The following POU2F2 variants were observed in gnomAD, a reference collection of about 807,000 sequenced individuals.
The protein encoded by POU2F2 is POU class 2 homeobox 2.
POU2F2 carries 14 observed loss-of-function variants against 63.5 expected under a neutral mutation model. The observed-to-expected ratio is 0.22, with a 90% CI of 0.15 to 0.34. The LOEUF is 0.34. Ranked by LOEUF, POU2F2 falls within the 10% of genes least tolerant of loss-of-function variation. The pLI, the probability that POU2F2 is intolerant of heterozygous loss-of-function variation, is 1.00. For missense variants in POU2F2, 607 were observed against 815.2 expected, an observed-to-expected ratio of 0.74 and a Z score of 3.11; for synonymous variants, 306 against 348.6, an observed-to-expected ratio of 0.88 and a Z score of 1.36.
At chr19:42,101,217 C>T (rs1469323629) in intron 5 of POU2F2, among the ~76,000 whole-genome samples, 4 of 152,112 alleles carry the variant, frequency 2.6e-5, no homozygotes, top group South Asian at 2.1e-4. Flanking sequence ...ACAACCACTC[C>T]GGGAAGCTCT....
At chr19:42,110,807 C>A (rs2030967576) in intron 5 of POU2F2, 1 of 451,138 alleles carries the variant, frequency 2.2e-6, no homozygotes, top group Non-Finnish European at 4.5e-6. Context: ...TAGCCTGATT[C>A]CTCTTCACTT....
At chr19:42,129,532 C>T (rs1170516238) in intron 1 of POU2F2, among the ~76,000 whole-genome samples, 1 of 152,220 alleles carries the variant, frequency 6.6e-6, no homozygotes, top group Non-Finnish European at 1.5e-5. Context: ...CTCGTTAGCA[C>T]TTACCGAAAA....
In POU2F2 at chr19:42,120,253, G is replaced by A. The variant is rs187574826; in HGVS notation, c.186+1873C>T. 2.2e-3 allele frequency among the ~76,000 whole-genome samples: 301 copies of A among 134,822 alleles called. 2 individuals carry two copies. Among genetic ancestry groups the A allele is most frequent in the Middle Eastern group, 0.017 (4 of 236 alleles). 88.4% of individuals were successfully genotyped at this position (134,822 alleles called of 152,430 possible). A position where few individuals can be genotyped will look rare whatever the true frequency, so the allele number is the denominator to read the frequency against. ...TTTTTTTGAGCTGGAGTCTTTCTCT[G>A]TTGCCCAGGCTGGAGTGCAGTGGTG... is the stretch of plus-strand genomic sequence containing the variant. On this transcript the variant is annotated intron_variant, in intron 4 of 14. Transcript: ENST00000692977.
At chr19:42,160,954 G>C (rs1355768713) in intron 1 of POU2F2, among the ~76,000 whole-genome samples, 1 of 152,198 alleles carries the variant, frequency 6.6e-6, no homozygotes, top group Non-Finnish European at 1.5e-5. Context: ...CCATTCATTT[G>C]TGCATTTAGT....
chr19:42,150,723 T>C (rs1284488092), intron 2 of POU2F2, among the ~76,000 whole-genome samples: 2 of 151,502 alleles, frequency 1.3e-5, no homozygotes, highest in African/African-American at 2.4e-5. Flanking sequence ...TATATATTTT[T>C]CCCCCAGCTT....
chr19:42,122,998 G>T (rs934144366), intron 1 of POU2F2, among the ~76,000 whole-genome samples: 65 of 152,276 alleles, frequency 4.3e-4, no homozygotes, highest in South Asian at 1.7e-3. Flanking sequence ...CCAGGTTTCG[G>T]GTGAGACATG....
intron 5 of POU2F2, among the ~76,000 whole-genome samples, chr19:42,100,258 A>AT (rs1416011969): frequency 1.3e-5 from 2 of 150,724 alleles, no homozygotes; most frequent in Non-Finnish European, 3.0e-5. Context: ...CTCCCAGCTA[A>AT]TTTTTTGTAT....
At chr19:42,102,341 G>A (rs1194297559) in intron 5 of POU2F2, among the ~76,000 whole-genome samples, 1 of 152,180 alleles carries the variant, frequency 6.6e-6, no homozygotes, top group Non-Finnish European at 1.5e-5. Context: ...GGGACACCAG[G>A]GGGCTTCTGG....
At chr19:42,130,781 C>T (rs2146712639) in intron 1 of POU2F2, among the ~76,000 whole-genome samples, 1 of 151,606 alleles carries the variant, frequency 6.6e-6, no homozygotes, top group East Asian at 2.0e-4. Flanking sequence ...CCCCCTTCCT[C>T]CAGGAAGCCC....
At chr19:42,196,114 A>C (rs763068993) in intron 1 of POU2F2, among the ~76,000 whole-genome samples, 1 of 152,100 alleles carries the variant, frequency 6.6e-6, no homozygotes, top group Non-Finnish European at 1.5e-5. Flanking sequence ...AGCAGAAAGC[A>C]CAGGGAGCTT....
chr19:42,190,082 G>C (rs1043576369), intron 1 of POU2F2, among the ~76,000 whole-genome samples: 2 of 152,074 alleles, frequency 1.3e-5, no homozygotes, highest in Non-Finnish European at 2.9e-5. Flanking sequence ...GTATCTATAG[G>C]TTAAGAAGGA....
Position 42,162,153 on chromosome 19 carries a change from C to T in POU2F2, c.-69-1761G>A, listed in dbSNP as rs533516506. 2.0e-5 allele frequency among the ~76,000 whole-genome samples: 3 copies of T among 152,280 alleles called. No individual in the cohort carries two copies. In the East Asian group the frequency reaches 5.8e-4, roughly 30 times the overall value. ...GTCTTCCCCCAGGCAGTGCCCCCAC[C>T]TTGGGCTTCCCTCCAGCAGGGCCCA... is the stretch of plus-strand genomic sequence containing the variant. On this transcript the variant is annotated intron_variant, in intron 1 of 6. Transcript: ENST00000524801. This position sits in a 1 kb window ranked among gnomAD's most constrained non-coding sequence, Gnocchi z 4.1.
chr19:42,186,864 G>A (rs923426180), intron 1 of POU2F2, among the ~76,000 whole-genome samples: 1 of 152,254 alleles, frequency 6.6e-6, no homozygotes, highest in Admixed American at 6.5e-5. Flanking sequence ...GACATTCATT[G>A]AGACAGGAGA....
chr19:42,116,856 G>GGAA, intron 5 of POU2F2: 1 of 423,968 alleles, frequency 2.4e-6, no homozygotes, highest in Non-Finnish European at 4.7e-6. Context: ...AGGAGGAGGA[G>GGAA]GAAGTAGAGG....
Position 42,092,052 on chromosome 19 carries a change from C to T in POU2F2, c.1466+17G>A, listed in dbSNP as rs1456652612. 1 of 1,589,486 alleles carries T rather than the reference C, an allele frequency of 6.3e-7. No individual in the cohort carries two copies. Among genetic ancestry groups the T allele is most frequent in the East Asian group, 2.3e-5 (1 of 44,224 alleles). Reference sequence around the variant, plus strand: ...GACCCTGCTTCTCCCCACAGCTTCCCACGTGCACCCACTTACCCCGTGCTG... The same window carrying T: ...GACCCTGCTTCTCCCCACAGCTTCCTACGTGCACCCACTTACCCCGTGCTG... On this transcript the variant is annotated intron_variant, in intron 13 of 14. Transcript: ENST00000692977. The surrounding 1 kb of genome is among the most constrained non-coding windows in gnomAD (Gnocchi z 5.0).
At chr19:42,097,069 G>A (rs184730677) in intron 7 of POU2F2, among the ~76,000 whole-genome samples, 1 of 152,132 alleles carries the variant, frequency 6.6e-6, no homozygotes, top group East Asian at 1.9e-4. Flanking sequence ...GCTCTATCTG[G>A]GATTCTTCAT....
intron 1 of POU2F2, among the ~76,000 whole-genome samples, chr19:42,185,152 T>C (rs2034999864): frequency 6.6e-6 from 1 of 152,156 alleles, no homozygotes; most frequent in African/African-American, 2.4e-5. Flanking sequence ...AAATTGACAA[T>C]ATCACCCAGC....
rs2076700498 is a variant in POU2F2 at position 42,091,216 on chromosome 19, G to C, written c.*41C>G. On this transcript the variant is annotated 3_prime_UTR_variant, in exon 15 of 15. Transcript: ENST00000692977. ...GCCCTCTTCCCAGGCAAGGGACCAA[G>C]GCAGGGACCAGAGGAATGGGAGGGG... 6.7e-7 allele frequency: 1 copy of C among 1,493,016 alleles called. No homozygotes were observed. Among genetic ancestry groups the C allele is most frequent in the African/African-American group, 1.4e-5 (1 of 72,104 alleles). 92.5% of individuals were successfully genotyped at this position (1,493,016 alleles called of 1,614,324 possible).
At chr19:42,113,612 A>G (rs1034904572) in intron 5 of POU2F2, among the ~76,000 whole-genome samples, 1 of 152,224 alleles carries the variant, frequency 6.6e-6, no homozygotes, top group Non-Finnish European at 1.5e-5. Flanking sequence ...AGTATCTTTC[A>G]AGTGAAACAT....
Sources: allele counts gnomAD v4.1 joint callset (sites outside exome capture counted in the v4.1 genomes callset), GRCh38; gene constraint gnomAD v4.1.1; non-coding constraint Gnocchi (gnomAD v3.1); transcripts MANE v1.5; gene names NCBI Gene and HGNC (gene_info 2026-07-23, HGNC 2026-07-21).